Variants in STMND1 observed in about 807,000 individuals in gnomAD.
STMND1 encodes stathmin domain containing 1.
In STMND1, 17 loss-of-function variants were observed where a neutral mutation model predicts 23.0. That is an observed-to-expected ratio of 0.74 (90% CI 0.51 to 1.11). STMND1 has a LOEUF of 1.11. Among genes scored for constraint, STMND1 ranks in the 50% least tolerant of loss-of-function variants. The pLI is 0.00. For synonymous variants in STMND1, 114 were observed against 119.9 expected (o/e 0.95, Z 0.32); for missense variants, 305 against 329.1 (o/e 0.93, Z 0.57).
At chr6:17,103,668 T>C (rs1015816082) in intron 1 of STMND1, among the ~76,000 whole-genome samples, 1 of 145,376 alleles carries the variant, frequency 6.9e-6, no homozygotes, top group East Asian at 2.1e-4. Flanking sequence ...ATCCCCCGGG[T>C]TCAAGCAATT....
At chr6:17,106,862 T>C (rs914697181) in intron 1 of STMND1, among the ~76,000 whole-genome samples, 3 of 152,204 alleles carry the variant, frequency 2.0e-5, no homozygotes, top group South Asian at 2.1e-4. Context: ...GGTGAGAAGA[T>C]ACAGTAATAA....
At position 17,129,124 on chromosome 6, in the gene STMND1, G is replaced by C; in HGVS notation, c.424G>C (p.Glu142Gln). The C allele has an allele frequency of 1.3e-6, 2 of 1,535,818 alleles. No individual in the cohort carries two copies. Among genetic ancestry groups the C allele is most frequent in the Non-Finnish European group, 1.7e-6 (2 of 1,146,752 alleles). Residue 142 changes from glutamate to glutamine, a missense_variant, in exon 4 of 5, where the codon GAG (glutamate) becomes CAG (glutamine). By Grantham distance (29) the Glu-to-Gln change is conservative (BLOSUM62 2). Transcript: ENST00000536551. ...ESYDVTLTTT[E>Q]KPLRKPPSRL... ...TGTTTTATTCCAGTTGACTACGACT[G>C]AGAAGCCATTGAGAAAGCCACCTTC...
At chr6:17,123,202 C>T (rs1761254621) in intron 3 of STMND1, among the ~76,000 whole-genome samples, 1 of 152,050 alleles carries the variant, frequency 6.6e-6, no homozygotes, top group South Asian at 2.1e-4. Flanking sequence ...GAAAGAGATG[C>T]ACCTTTAAAA....
At chr6:17,116,665 C>G (rs150423251) in intron 2 of STMND1, among the ~76,000 whole-genome samples, 1,837 of 152,178 alleles carry the variant, frequency 0.012, 41 homozygotes, top group African/African-American at 0.042. Context: ...GTCTCGAACT[C>G]CTGACCTCAA....
intron 1 of STMND1, among the ~76,000 whole-genome samples, chr6:17,104,100 C>T (rs1283130255): frequency 6.6e-6 from 1 of 152,170 alleles, no homozygotes; most frequent in Non-Finnish European, 1.5e-5. Context: ...TCTCAGGGCT[C>T]AGTTCTTCCA....
intron 2 of STMND1, among the ~76,000 whole-genome samples, chr6:17,119,497 A>G (rs768779390): frequency 3.3e-5 from 5 of 152,180 alleles, no homozygotes; most frequent in Non-Finnish European, 5.9e-5. Context: ...TGAGGTCAGG[A>G]GTTCGAGACC....
intron 1 of STMND1, among the ~76,000 whole-genome samples, chr6:17,108,918 A>G (rs377661108): frequency 8.3e-4 from 127 of 152,240 alleles, no homozygotes; most frequent in African/African-American, 2.8e-3. Context: ...GCTAGTCTCG[A>G]ATTCCTGACC....
Position 17,130,876 on chromosome 6 carries a change from T to C in STMND1, c.826T>C (p.Tyr276His). 2 of 1,502,854 alleles carry C rather than the reference T, an allele frequency of 1.3e-6. No homozygotes were observed. Among genetic ancestry groups the C allele is most frequent in the Non-Finnish European group, 1.8e-6 (2 of 1,128,948 alleles). The allele number at this position is 1,502,854 out of a possible 1,614,324, so 93.1% of individuals were successfully genotyped here. A position where few individuals can be genotyped will look rare whatever the true frequency, so the allele number is the denominator to read the frequency against. ...MSYNQADDIVY is the reference protein window; with the variant it reads ...MSYNQADDIVH ...CTACAACCAAGCAGATGACATAGTC[T>C]ACTAAGCCATTTTTTGTGAATTTCA... The change falls in exon 5 of 5, where the codon TAC becomes CAC. Residue 276 changes from tyrosine to histidine, a missense_variant. By Grantham distance (83) the Tyr-to-His change is moderately conservative. Coordinates refer to ENST00000536551, the MANE Select transcript of STMND1 (RefSeq NM_001190766.2).
rs966513670 is a variant in STMND1 at position 17,126,548 on chromosome 6, A to G, written c.412-2564A>G. 2.0e-5 allele frequency among the ~76,000 whole-genome samples: 3 copies of G among 152,308 alleles called. No individual in the cohort carries two copies. The South Asian group carries it at 6.2e-4, about 32-fold the overall frequency. ...TTGGATTACTACTTAATTTTCTTTT[A>G]GCCTTCTACGCATGAACATCCCTAA... On this transcript the variant is annotated intron_variant, in intron 3 of 4. Transcript: ENST00000536551.
At chr6:17,124,020 T>C (rs1761264420) in intron 3 of STMND1, among the ~76,000 whole-genome samples, 1 of 152,146 alleles carries the variant, frequency 6.6e-6, no homozygotes, top group Admixed American at 6.5e-5. Flanking sequence ...TCATTAATAA[T>C]ATTAATACTT....
chr6:17,124,985 C>T (rs770480324), intron 3 of STMND1, among the ~76,000 whole-genome samples: 11 of 150,130 alleles, frequency 7.3e-5, no homozygotes, highest in South Asian at 6.4e-4. Context: ...GGTGAAACAG[C>T]GAGACCCTGT....
intron 1 of STMND1, among the ~76,000 whole-genome samples, chr6:17,106,447 G>C (rs768715605): frequency 6.6e-6 from 1 of 152,022 alleles, no homozygotes; most frequent in Non-Finnish European, 1.5e-5. Context: ...TGTCCCTCCT[G>C]GTTCCAAGAT....
intron 1 of STMND1, among the ~76,000 whole-genome samples, chr6:17,102,866 T>G (rs190379537): frequency 1.3e-5 from 2 of 152,164 alleles, no homozygotes; most frequent in Non-Finnish European, 2.9e-5. Flanking sequence ...CCCAGAGAGA[T>G]AGGCGACTTG....
intron 2 of STMND1, among the ~76,000 whole-genome samples, chr6:17,119,686 G>A (rs1761204314): frequency 6.7e-6 from 1 of 149,790 alleles, no homozygotes; most frequent in Non-Finnish European, 1.5e-5. Flanking sequence ...AGTGACAAGA[G>A]TGAAACCTCA....
chr6:17,107,165 TAAG>T (rs1561921554), intron 1 of STMND1, among the ~76,000 whole-genome samples: 1 of 152,218 alleles, frequency 6.6e-6, no homozygotes, highest in Non-Finnish European at 1.5e-5. Context: ...TAAATTGACT[TAAG>T]AAGGTTTTAA....
At position 17,102,157 on chromosome 6, in the gene STMND1, GGGCGCAGGAGCGCGGGACCACC is replaced by G; in HGVS notation, c.-95_-74del. On this transcript the variant is annotated 5_prime_UTR_variant, in exon 1 of 5. Transcript: ENST00000536551. The stretch of plus-strand genomic sequence containing the variant: ...CGCAGTAGCAGGGGCGTAGGGCGCA[GGGCGCAGGAGCGCGGGACCACC>G]GGCGCCGGAGCGCGGCAGGGAGCGC... 2 of 1,222,546 alleles carry G rather than the reference GGGCGCAGGAGCGCGGGACCACC, an allele frequency of 1.6e-6. No individual in the cohort carries two copies. Among genetic ancestry groups the G allele is most frequent in the Non-Finnish European group, 2.1e-6 (2 of 939,988 alleles). The allele number at this position is 1,222,546 out of a possible 1,614,324, so 75.7% of individuals were successfully genotyped here. A position where few individuals can be genotyped will look rare whatever the true frequency, so the allele number is the denominator to read the frequency against.
Position 17,115,199 on chromosome 6 carries a change from G to A in STMND1, c.259+60G>A, listed in dbSNP as rs1225004189. The A allele has an allele frequency of 5.7e-5, 82 of 1,440,504 alleles. 1 individual carries two copies. The South Asian group carries it at 1.1e-3, about 19-fold the overall frequency. 89.2% of individuals were successfully genotyped at this position (1,440,504 alleles called of 1,614,324 possible). On this transcript the variant is annotated intron_variant, in intron 2 of 4. Transcript: ENST00000536551. The stretch of plus-strand genomic sequence containing the variant: ...CACAAAATACTGTTTCTCTAAATAC[G>A]TTTACAAGGTTTCTTTGGTGGTCCT...
In STMND1 at chr6:17,115,061, G is replaced by A. The variant is rs1211001343; in HGVS notation, c.181G>A (p.Val61Ile). 1 of 1,536,006 alleles carries A rather than the reference G, an allele frequency of 6.5e-7. No individual in the cohort carries two copies. Among genetic ancestry groups the A allele is most frequent in the South Asian group, 1.2e-5 (1 of 84,046 alleles). ...TVDIAEGLEQ[V>I]QMGSLPGTIS... ...GGACATTGCAGAAGGCCTGGAACAA[G>A]TCCAGATGGGAAGCTTACCTGGAAC... Residue 61 changes from valine to isoleucine, a missense_variant, in exon 2 of 5, where the codon GTC becomes ATC. Coordinates refer to ENST00000536551, the MANE Select transcript of STMND1 (RefSeq NM_001190766.2).
At chr6:17,129,541 T>TAA (rs57864358) in intron 4 of STMND1, among the ~76,000 whole-genome samples, 15 of 130,872 alleles carry the variant, frequency 1.1e-4, no homozygotes, top group Admixed American at 3.9e-4. Context: ...GAGGCTGATT[T>TAA]AAAAAAAAAA....
Sources: gnomAD v4.1 joint callset for allele counts (sites outside exome capture counted in the v4.1 genomes callset) on GRCh38, gnomAD v4.1.1 for gene constraint, MANE v1.5 for transcripts, NCBI Gene and HGNC (gene_info 2026-07-23, HGNC 2026-07-21) for gene names.